Variants in FA2H observed in about 807,000 individuals in gnomAD.
The protein encoded by FA2H is fatty acid 2-hydroxylase.
Under a neutral mutation model 44.9 loss-of-function variants are expected in FA2H, and 22 were observed. The ratio of observed to expected loss-of-function variants is 0.49; its 90% CI spans 0.35 to 0.70. The LOEUF (loss-of-function observed/expected upper bound fraction) is 0.70. FA2H is among the 30% of genes least tolerant of loss of function. FA2H has a pLI of 0.01. For synonymous variants in FA2H, 243 were observed against 213.2 expected (o/e 1.14, Z -1.22); for missense variants, 501 against 504.9 (o/e 0.99, Z 0.07).
At chr16:74,769,554 C>A (rs1962867653) in intron 1 of FA2H, among the ~76,000 whole-genome samples, 1 of 152,132 alleles carries the variant, frequency 6.6e-6, no homozygotes, top group Non-Finnish European at 1.5e-5. Context: ...AAGACTTATA[C>A]AATCTGAAGA....
At chr16:74,731,955 A>C (rs1044374897) in intron 2 of FA2H, among the ~76,000 whole-genome samples, 1 of 152,106 alleles carries the variant, frequency 6.6e-6, no homozygotes, top group African/African-American at 2.4e-5. Flanking sequence ...TCACTGCAGC[A>C]CCAACCTCCT....
chr16:74,731,677 C>T (rs914475296), intron 2 of FA2H, among the ~76,000 whole-genome samples: 1 of 151,690 alleles, frequency 6.6e-6, no homozygotes, highest in Non-Finnish European at 1.5e-5. Context: ...GGCGCCACCA[C>T]ACATGGCTGC....
Position 74,774,618 on chromosome 16 carries a change from G to GCC in FA2H, c.136_137dup (p.Glu47AlafsTer53). 6.6e-7 allele frequency: 1 copy of GCC among 1,517,368 alleles called. No individual in the cohort carries two copies. The highest frequency in any genetic ancestry group is 8.8e-7 in the Non-Finnish European group (1 of 1,141,084). The allele number at this position is 1,517,368 out of a possible 1,614,324, so 94.0% of individuals were successfully genotyped here. On this transcript the variant is annotated frameshift_variant, in exon 1 of 7. Transcript: ENST00000219368. LOFTEE classifies it high-confidence loss of function. ...CCGCCCTGGCCCGCAGCAGCTGCTC[G>GCC]CCCCCCGGGTGGTGCCGCACGAAGC...
At chr16:74,748,485 T>G (rs952296399) in intron 1 of FA2H, among the ~76,000 whole-genome samples, 2 of 151,952 alleles carry the variant, frequency 1.3e-5, no homozygotes, top group Non-Finnish European at 1.5e-5. Context: ...ATCTCTCAAG[T>G]GATTGCTGGA....
chr16:74,741,842 GTGTGTATGTGTGTA>G, intron 1 of FA2H, among the ~76,000 whole-genome samples: 6 of 139,124 alleles, frequency 4.3e-5, no homozygotes, highest in African/African-American at 1.6e-4. Context: ...GTGTGTATGT[GTGTGTATGTGTGTA>G]TGTGTGTGTG....
intron 2 of FA2H, among the ~76,000 whole-genome samples, chr16:74,739,337 C>A (rs533404422): frequency 6.6e-6 from 1 of 152,252 alleles, no homozygotes; most frequent in East Asian, 1.9e-4. Flanking sequence ...CCAAGCCCAG[C>A]TCCCTCCAGT....
At chr16:74,734,019 C>A (rs1265918213) in intron 2 of FA2H, among the ~76,000 whole-genome samples, 2 of 152,150 alleles carry the variant, frequency 1.3e-5, no homozygotes, top group Admixed American at 1.3e-4. Context: ...CCCTCTTCTA[C>A]CTGACCGAAG....
At chr16:74,748,745 G>A (rs1962474456) in intron 1 of FA2H, among the ~76,000 whole-genome samples, 1 of 151,740 alleles carries the variant, frequency 6.6e-6, no homozygotes, top group Non-Finnish European at 1.5e-5. Flanking sequence ...TAGAGGCCGC[G>A]TGAAAGGAGG....
intron 2 of FA2H, among the ~76,000 whole-genome samples, chr16:74,737,509 T>C (rs530602928): frequency 6.6e-6 from 1 of 152,270 alleles, no homozygotes; most frequent in African/African-American, 2.4e-5. Context: ...TTCCTGTCTT[T>C]TCAGATCCTT....
intron 2 of FA2H, among the ~76,000 whole-genome samples, chr16:74,736,846 C>T (rs1962192801): frequency 6.6e-6 from 1 of 152,124 alleles, no homozygotes; most frequent in Admixed American, 6.6e-5. Flanking sequence ...GGTTCCAGGA[C>T]CTTGTGGAGG....
chr16:74,760,703 CCTT>C (rs1962692385), intron 1 of FA2H, among the ~76,000 whole-genome samples: 1 of 152,204 alleles, frequency 6.6e-6, no homozygotes, highest in African/African-American at 2.4e-5. Context: ...GGATCCTTCT[CCTT>C]CTGTCTTCAG....
At chr16:74,767,718 G>A (rs1435887095) in intron 1 of FA2H, among the ~76,000 whole-genome samples, 1 of 152,224 alleles carries the variant, frequency 6.6e-6, no homozygotes, top group Non-Finnish European at 1.5e-5. Context: ...CATCCAGAAG[G>A]AATGCTTCCC....
At chr16:74,730,991 G>A (rs11863778) in intron 2 of FA2H, among the ~76,000 whole-genome samples, 14,329 of 152,108 alleles carry the variant, frequency 0.094, 876 homozygotes, top group African/African-American at 0.18. Context: ...GTCCGCTTGG[G>A]TATTAATAGA....
intron 1 of FA2H, among the ~76,000 whole-genome samples, chr16:74,751,249 C>G (rs1193114521): frequency 6.6e-6 from 1 of 151,844 alleles, no homozygotes; most frequent in Non-Finnish European, 1.5e-5. Context: ...CATGCACCAC[C>G]ATGCCTGACT....
chr16:74,731,229 G>A (rs1304843457), intron 2 of FA2H, among the ~76,000 whole-genome samples: 2 of 149,210 alleles, frequency 1.3e-5, no homozygotes, highest in Non-Finnish European at 3.0e-5. Flanking sequence ...CGTCTCCTGG[G>A]TTCAAGCGAT....
intron 1 of FA2H, among the ~76,000 whole-genome samples, chr16:74,751,383 A>T (rs1393506180): frequency 6.6e-6 from 1 of 152,134 alleles, no homozygotes; most frequent in African/African-American, 2.4e-5. Flanking sequence ...ACTTTGAGCC[A>T]CTGCGCCTGG....
intron 4 of FA2H, among the ~76,000 whole-genome samples, chr16:74,721,545 C>A (rs1428086433): frequency 6.6e-6 from 1 of 152,168 alleles, no homozygotes; most frequent in Admixed American, 6.5e-5. Context: ...AGCGCAGGAA[C>A]CTGCCTTTGT....
At chr16:74,738,110 G>T (rs926704941) in intron 2 of FA2H, among the ~76,000 whole-genome samples, 1 of 152,214 alleles carries the variant, frequency 6.6e-6, no homozygotes, top group Non-Finnish European at 1.5e-5. Context: ...CGGGCAGGTG[G>T]GGGCTCCGTC....
chr16:74,716,361 G>C lies in FA2H; in HGVS notation c.1025C>G (p.Ala342Gly). 1 of 1,614,002 alleles carries C rather than the reference G, an allele frequency of 6.2e-7. No individual in the cohort carries two copies. The highest frequency in any genetic ancestry group is 8.5e-7 in the Non-Finnish European group (1 of 1,179,966). The part of the protein sequence containing the change: ...LKAHHVKHHF[A>G]HQKSGFGIST... ...CCCATCCTCACCTGACTTCTGATGTGCAAAGTGGTGCTTGACGTGGTGGGC... is the reference window on the plus strand; with the variant it reads ...CCCATCCTCACCTGACTTCTGATGTCCAAAGTGGTGCTTGACGTGGTGGGC... Residue 342 changes from alanine (A) to glycine (G), a missense_variant, in exon 6 of 7, where the codon GCA becomes GGA. Coordinates refer to ENST00000219368, the MANE Select transcript of FA2H (RefSeq NM_024306.5).
Sources: gnomAD v4.1 joint callset for allele counts (sites outside exome capture counted in the v4.1 genomes callset) on GRCh38, gnomAD v4.1.1 for gene constraint, MANE v1.5 for transcripts, NCBI Gene and HGNC (gene_info 2026-07-23, HGNC 2026-07-21) for gene names.